Variants in NRXN3 observed in about 807,000 individuals in gnomAD.
NRXN3 encodes the protein neurexin 3, also known as neurexin III.
A neutral mutation model predicts 137.6 loss-of-function variants in NRXN3; 32 were observed. The observed-to-expected ratio is 0.23, with a 90% CI of 0.18 to 0.31. NRXN3 has a LOEUF of 0.31. NRXN3 is among the 10% of genes least tolerant of loss of function. NRXN3 has a pLI of 1.00. For missense variants in NRXN3, 1,574 were observed against 2,062.5 expected, an observed-to-expected ratio of 0.76 and a Z score of 4.59; for synonymous variants, 798 against 784.5, an observed-to-expected ratio of 1.02 and a Z score of -0.29.
At chr14:78,317,891 T>C (rs946527206) in intron 4 of NRXN3, among the ~76,000 whole-genome samples, 2 of 152,220 alleles carry the variant, frequency 1.3e-5, no homozygotes, top group Non-Finnish European at 1.5e-5. Flanking sequence ...CTGAGTATAA[T>C]TGAAAATGCA....
intron 16 of NRXN3, among the ~76,000 whole-genome samples, chr14:79,619,947 T>C (rs1371983142): frequency 6.6e-6 from 1 of 152,114 alleles, no homozygotes; most frequent in Non-Finnish European, 1.5e-5. Context: ...TTTGTTTTTA[T>C]TTTCAAAAAG....
At chr14:79,626,905 C>T (rs1211404053) in intron 16 of NRXN3, among the ~76,000 whole-genome samples, 1 of 152,096 alleles carries the variant, frequency 6.6e-6, no homozygotes, top group Non-Finnish European at 1.5e-5. Context: ...GTTAGAAAGA[C>T]AGCTACGATT....
chr14:78,662,385 A>G (rs984983323), intron 6 of NRXN3, among the ~76,000 whole-genome samples: 9 of 152,060 alleles, frequency 5.9e-5, no homozygotes, highest in African/African-American at 2.2e-4. Context: ...GGACTGTCCT[A>G]TGGAAGTGGA....
At chr14:78,386,573 A>G (rs1453437190) in intron 4 of NRXN3, among the ~76,000 whole-genome samples, 1 of 152,180 alleles carries the variant, frequency 6.6e-6, no homozygotes, top group East Asian at 1.9e-4. Flanking sequence ...ACATTTGTTT[A>G]AGAAAACACA....
intron 15 of NRXN3, among the ~76,000 whole-genome samples, chr14:79,088,696 C>A (rs1436314701): frequency 6.6e-6 from 1 of 152,014 alleles, no homozygotes; most frequent in African/African-American, 2.4e-5. Flanking sequence ...TAAATGTAAA[C>A]ATATAAACAC....
chr14:79,545,836 G>A (rs997857091), intron 16 of NRXN3, among the ~76,000 whole-genome samples: 5 of 151,944 alleles, frequency 3.3e-5, no homozygotes, highest in East Asian at 1.9e-4. Context: ...CTGAGTTGAC[G>A]TTCCTACTCT....
chr14:78,448,185 G>C (rs752750417), intron 4 of NRXN3, among the ~76,000 whole-genome samples: 4 of 152,092 alleles, frequency 2.6e-5, no homozygotes, highest in Admixed American at 1.3e-4. Flanking sequence ...CTCCTTGCAC[G>C]GTGGCATCTA....
At position 78,170,633 on chromosome 14, in the gene NRXN3, A is replaced by G. The variant is rs139572004; in HGVS notation, c.-745A>G. The G allele has an allele frequency of 4.8e-4, 73 of 152,380 alleles. No individual in the cohort carries two copies. The highest frequency in any genetic ancestry group is 1.7e-3 in the African/African-American group (71 of 41,592). The allele number at this position is 152,380 out of a possible 1,614,324, so 9.4% of individuals were successfully genotyped here. On this transcript the variant is annotated 5_prime_UTR_variant, in exon 1 of 21. Transcript: ENST00000335750. ...AAACTCAGTTGATTAAACATCAAAC[A>G]GACATACAGACAGATCCCAAATCTT...
chr14:79,283,706 T>C lies in NRXN3; in HGVS notation c.3263-183515T>C, dbSNP rs2153448307. On this transcript the variant is annotated intron_variant, in intron 15 of 20. Transcript: ENST00000335750. ...TCTTCTTAATGGGAATCTAGTAGGC[T>C]CTTCCCCATTCTGTTAGAGTCCTCA... Among the ~76,000 whole-genome samples the C allele has an allele frequency of 1.3e-5, 2 of 151,680 alleles. 1 individual carries two copies. The highest frequency in any genetic ancestry group is 2.9e-5 in the Non-Finnish European group (2 of 67,950).
At chr14:79,760,174 TA>T in intron 19 of NRXN3, among the ~76,000 whole-genome samples, 1 of 151,548 alleles carries the variant, frequency 6.6e-6, no homozygotes, top group South Asian at 2.1e-4. Flanking sequence ...AGGGCAAAAA[TA>T]AAATGGGGTT....
chr14:78,787,261 A>T (rs2098791888), intron 8 of NRXN3, among the ~76,000 whole-genome samples: 1 of 152,140 alleles, frequency 6.6e-6, no homozygotes, highest in Admixed American at 6.5e-5. Context: ...ACCCTAAAGG[A>T]TTTATCTCTC....
chr14:79,645,160 A>AT (rs1399404758), intron 16 of NRXN3, among the ~76,000 whole-genome samples: 3 of 133,654 alleles, frequency 2.2e-5, no homozygotes, highest in East Asian at 2.0e-4. Context: ...CTTATTCCAT[A>AT]TTTTTTTTGT....
chr14:78,816,566 C>T (rs1321344696), intron 10 of NRXN3, among the ~76,000 whole-genome samples: 1 of 152,062 alleles, frequency 6.6e-6, no homozygotes, highest in Non-Finnish European at 1.5e-5. Flanking sequence ...CAGCACCGTA[C>T]ATTTAAATTT....
chr14:79,861,261 A>G lies in NRXN3; in HGVS notation c.4094-81A>G. The G allele has an allele frequency of 6.5e-7, 1 of 1,535,966 alleles. No individual in the cohort carries two copies. The highest frequency in any genetic ancestry group is 8.7e-7 in the Non-Finnish European group (1 of 1,146,838). On this transcript the variant is annotated intron_variant, in intron 20 of 20. Transcript: ENST00000335750. The surrounding 1 kb of genome is among the most constrained non-coding windows in gnomAD (Gnocchi z 5.4). ...GATGATGGCTTGGTGATATCTGGGT[A>G]TGGCTCAGGGGAAACCTTTGACTCT...
intron 6 of NRXN3, among the ~76,000 whole-genome samples, chr14:78,686,829 C>G (rs1342417683): frequency 6.6e-6 from 1 of 152,158 alleles, no homozygotes; most frequent in Non-Finnish European, 1.5e-5. Flanking sequence ...CCTGTGTTCA[C>G]TTCTAGCTCA....
chr14:79,205,678 A>G (rs1440170111), intron 15 of NRXN3, among the ~76,000 whole-genome samples: 4 of 152,358 alleles, frequency 2.6e-5, no homozygotes, highest in Non-Finnish European at 4.4e-5. Flanking sequence ...CATTATAAGT[A>G]CACACTCTAT....
intron 4 of NRXN3, among the ~76,000 whole-genome samples, chr14:78,430,988 C>T (rs1304232350): frequency 6.6e-6 from 1 of 152,164 alleles, no homozygotes; most frequent in African/African-American, 2.4e-5. Flanking sequence ...TGCCTTTCTG[C>T]CCAACTCCCT....
At chr14:79,098,477 C>T (rs1269931020) in intron 15 of NRXN3, among the ~76,000 whole-genome samples, 1 of 152,132 alleles carries the variant, frequency 6.6e-6, no homozygotes, top group Non-Finnish European at 1.5e-5. Flanking sequence ...GAAAGAAGCT[C>T]ACGGCCTCAC....
At chr14:78,533,821 A>G (rs1245946604) in intron 4 of NRXN3, among the ~76,000 whole-genome samples, 1 of 152,190 alleles carries the variant, frequency 6.6e-6, no homozygotes. Flanking sequence ...TACCATGCAT[A>G]TGGCCACTAT....
Sources: allele counts gnomAD v4.1 joint callset (sites outside exome capture counted in the v4.1 genomes callset), GRCh38; gene constraint gnomAD v4.1.1; non-coding constraint Gnocchi (gnomAD v3.1); transcripts MANE v1.5; gene names NCBI Gene and HGNC (gene_info 2026-07-23, HGNC 2026-07-21).